The following HMGA2 variants were observed in gnomAD, a reference collection of about 807,000 sequenced individuals.
HMGA2 encodes the protein high mobility group protein HMGI-C.
In HMGA2, 8 loss-of-function variants were observed where a neutral mutation model predicts 19.1. That is an observed-to-expected ratio of 0.42 (90% CI 0.25 to 0.76). The LOEUF (loss-of-function observed/expected upper bound fraction) is 0.76, where lower values mean the gene tolerates loss of function less well. HMGA2 is among the 30% of genes least tolerant of loss of function. The probability of loss-of-function intolerance (pLI) is 0.28; values close to 1 mark genes in which losing one functional copy is unlikely to be tolerated. For synonymous variants in HMGA2, 60 were observed against 48.8 expected, an observed-to-expected ratio of 1.23 and a Z score of -0.96; for missense variants, 109 against 136.3, an observed-to-expected ratio of 0.80 and a Z score of 1.00.
intron 3 of HMGA2, among the ~76,000 whole-genome samples, chr12:65,927,290 C>T (rs1286897888): frequency 6.6e-6 from 1 of 152,178 alleles, no homozygotes; most frequent in African/African-American, 2.4e-5. Context: ...AAACTTAATC[C>T]TGTGAGCTAC....
chr12:65,935,335 C>T (rs1875853882), intron 3 of HMGA2, among the ~76,000 whole-genome samples: 1 of 152,168 alleles, frequency 6.6e-6, no homozygotes, highest in Non-Finnish European at 1.5e-5. Context: ...TATTAGATGG[C>T]TGCTTAACAT....
intron 3 of HMGA2, among the ~76,000 whole-genome samples, chr12:65,907,411 CAAAAAAAAA>C (rs762897630): frequency 3.7e-5 from 2 of 54,584 alleles, no homozygotes; most frequent in Non-Finnish European, 7.7e-5. Flanking sequence ...GATTCCGTCT[CAAAAAAAAA>C]AAAAAAAAAA....
At chr12:65,843,700 G>A (rs1476688455) in intron 3 of HMGA2, among the ~76,000 whole-genome samples, 3 of 139,108 alleles carry the variant, frequency 2.2e-5, no homozygotes, top group Non-Finnish European at 4.7e-5. Context: ...ACACACACAA[G>A]CACACACACA....
chr12:65,839,068 C>G (rs915537264), intron 3 of HMGA2, among the ~76,000 whole-genome samples: 1 of 113,852 alleles, frequency 8.8e-6, no homozygotes, highest in Admixed American at 9.3e-5. Flanking sequence ...TTTGTGTTTT[C>G]TTTTTCACAT....
intron 2 of HMGA2, among the ~76,000 whole-genome samples, chr12:65,830,372 A>G (rs1565700305): frequency 6.6e-6 from 1 of 151,944 alleles, no homozygotes; most frequent in African/African-American, 2.4e-5. Context: ...TGCAATGCAA[A>G]TCTTTTTAGA....
chr12:65,957,224 G>A (rs1876630248), intron 4 of HMGA2: 1 of 152,160 alleles, frequency 6.6e-6, no homozygotes. Flanking sequence ...GTTTTTCCTA[G>A]TCTATGCCAT....
chr12:65,873,701 C>G (rs1872824366), intron 3 of HMGA2: 1 of 152,218 alleles, frequency 6.6e-6, no homozygotes, highest in South Asian at 2.1e-4. Flanking sequence ...TATCACATTA[C>G]TCTGTTATAT....
intron 3 of HMGA2, among the ~76,000 whole-genome samples, chr12:65,907,246 CA>C (rs940069918): frequency 3.3e-5 from 5 of 151,614 alleles, no homozygotes; most frequent in African/African-American, 1.2e-4. Flanking sequence ...AACAAACAAA[CA>C]AAAAATACAA....
chr12:65,914,382 C>T (rs1460203356), intron 3 of HMGA2, among the ~76,000 whole-genome samples: 3 of 151,396 alleles, frequency 2.0e-5, no homozygotes, highest in Non-Finnish European at 2.9e-5. Context: ...TCTCAGTAAA[C>T]TATCGCAAGA....
In HMGA2 at chr12:65,884,377, C is replaced by T. The variant is rs565123192; in HGVS notation, c.249+45808C>T. 1.8e-3 allele frequency among the ~76,000 whole-genome samples: 275 copies of T among 152,194 alleles called. 1 individual carries two copies. Among genetic ancestry groups the T allele is most frequent in the Admixed American group, 3.3e-3 (51 of 15,292 alleles). On this transcript the variant is annotated intron_variant, in intron 3 of 4. Coordinates refer to ENST00000403681, the MANE Select transcript of HMGA2 (RefSeq NM_003483.6). ...TCTGAAGAAAATCAGAAATGCAAAACAGTTCTGGTCTCAAGCATTTCAGAC... is the reference window on the plus strand; with the variant it reads ...TCTGAAGAAAATCAGAAATGCAAAATAGTTCTGGTCTCAAGCATTTCAGAC...
intron 3 of HMGA2, among the ~76,000 whole-genome samples, chr12:65,924,065 T>C (rs1315151897): frequency 6.6e-6 from 1 of 152,018 alleles, no homozygotes; most frequent in Non-Finnish European, 1.5e-5. Context: ...AGTCATTCTC[T>C]GACCCACCCC....
At chr12:65,882,660 G>A (rs1327599370) in intron 3 of HMGA2, among the ~76,000 whole-genome samples, 1 of 152,234 alleles carries the variant, frequency 6.6e-6, no homozygotes, top group Non-Finnish European at 1.5e-5. Context: ...AAATGGGGAT[G>A]AGAAAATACC....
At chr12:65,908,932 C>T (rs975941989) in intron 3 of HMGA2, among the ~76,000 whole-genome samples, 7 of 152,154 alleles carry the variant, frequency 4.6e-5, no homozygotes, top group African/African-American at 9.7e-5. Context: ...ATCCTACCAT[C>T]ATCTTAAAAA....
At chr12:65,960,517 GA>G (rs1038430591) in intron 4 of HMGA2, among the ~76,000 whole-genome samples, 43 of 152,304 alleles carry the variant, frequency 2.8e-4, no homozygotes, top group Admixed American at 1.6e-3. Context: ...GAGGTTTGCA[GA>G]GGTGGGAAAA....
chr12:65,952,648 C>A (rs1201291624), intron 4 of HMGA2: 2 of 501,200 alleles, frequency 4.0e-6, no homozygotes, highest in Admixed American at 4.0e-5. Context: ...TACATATAAA[C>A]AAAAACTTGA....
At chr12:65,949,638 CGATTG>C (rs1309646273) in intron 3 of HMGA2, among the ~76,000 whole-genome samples, 1 of 152,152 alleles carries the variant, frequency 6.6e-6, no homozygotes, top group African/African-American at 2.4e-5. Flanking sequence ...CTCTAATACT[CGATTG>C]GAAAGTTAGG....
At chr12:65,919,468 T>G (rs1015988395) in intron 3 of HMGA2, among the ~76,000 whole-genome samples, 13 of 152,244 alleles carry the variant, frequency 8.5e-5, no homozygotes, top group African/African-American at 3.1e-4. Flanking sequence ...GCAGAGATGC[T>G]TTAGTAGTAA....
chr12:65,958,541 C>G (rs1876664352), intron 4 of HMGA2: 4 of 152,172 alleles, frequency 2.6e-5, no homozygotes. Flanking sequence ...TGTGGTCTTG[C>G]CGGTCACTTA....
At chr12:65,861,654 A>C (rs975801213) in intron 3 of HMGA2, among the ~76,000 whole-genome samples, 1 of 150,066 alleles carries the variant, frequency 6.7e-6, no homozygotes, top group Admixed American at 6.6e-5. Context: ...TAGATACTAT[A>C]TATATTTAAT....
Sources: gnomAD v4.1 joint callset for allele counts (sites outside exome capture counted in the v4.1 genomes callset) on GRCh38, gnomAD v4.1.1 for gene constraint, MANE v1.5 for transcripts, NCBI Gene and HGNC (gene_info 2026-07-23, HGNC 2026-07-21) for gene names.